GRK5: variants seen among roughly 807,000 people sequenced by gnomAD.
GRK5 encodes g protein-coupled receptor kinase GRK5.
GRK5 carries 40 observed loss-of-function variants against 78.4 expected under a neutral mutation model. The observed-to-expected ratio is 0.51, with a 90% CI of 0.40 to 0.66. The LOEUF is 0.66. Ranked by LOEUF, GRK5 falls within the 30% of genes least tolerant of loss-of-function variation. GRK5 has a pLI of 0.00. For missense variants in GRK5, 598 were observed against 759.9 expected (o/e 0.79, Z 2.50); for synonymous variants, 289 against 296.8 (o/e 0.97, Z 0.27).
At chr10:119,365,108 C>A (rs192369118) in intron 2 of GRK5, among the ~76,000 whole-genome samples, 134 of 152,258 alleles carry the variant, frequency 8.8e-4, no homozygotes, top group African/African-American at 3.0e-3. Context: ...ACAGAGCTTA[C>A]AAGGTCTAGA....
At chr10:119,303,952 C>T (rs907083128) in intron 1 of GRK5, among the ~76,000 whole-genome samples, 36 of 152,144 alleles carry the variant, frequency 2.4e-4, no homozygotes, top group African/African-American at 7.7e-4. Flanking sequence ...GACTCAGGGT[C>T]CTTGCCTACC....
chr10:119,427,362 T>TGCTGTTATCAATATCCCAC (rs1852710164), intron 6 of GRK5, among the ~76,000 whole-genome samples: 1 of 29,906 alleles, frequency 3.3e-5, no homozygotes, highest in Non-Finnish European at 6.2e-5. Context: ...ATCAGCATCA[T>TGCTGTTATCAATATCCCAC]CACCATCATC....
chr10:119,373,909 C>T (rs1455118971), intron 2 of GRK5, among the ~76,000 whole-genome samples: 4 of 152,160 alleles, frequency 2.6e-5, no homozygotes, highest in Non-Finnish European at 5.9e-5. Flanking sequence ...TTCACTACAA[C>T]AGCGAGCTGA....
At position 119,333,033 on chromosome 10, in the gene GRK5, G is replaced by C. The variant is rs536582033; in HGVS notation, c.148+6422G>C. 3.3e-5 allele frequency: 5 copies of C among 152,332 alleles called. No homozygotes were observed. In the East Asian group the frequency reaches 9.6e-4, roughly 29 times the overall value. 9.4% of individuals were successfully genotyped at this position (152,332 alleles called of 1,614,324 possible). Reference sequence around the variant, plus strand: ...TCCCACACTGTACTAGATGTTCTATGTTAATTGCAACTGTGTCTTGCCTGT... The same window carrying C: ...TCCCACACTGTACTAGATGTTCTATCTTAATTGCAACTGTGTCTTGCCTGT... On this transcript the variant is annotated intron_variant, in intron 2 of 15. Transcript: ENST00000392870.
rs74157639 is a variant in GRK5 at position 119,243,399 on chromosome 10, T to A, written c.52+35430T>A. Among the ~76,000 whole-genome samples, 1,454 of 152,180 alleles carry A rather than the reference T, an allele frequency of 9.6e-3. 20 individuals are homozygous for A. Among genetic ancestry groups the A allele is most frequent in the African/African-American group, 0.032 (1,343 of 41,518 alleles). On this transcript the variant is annotated intron_variant, in intron 1 of 15. Coordinates refer to ENST00000392870, the MANE Select transcript of GRK5 (RefSeq NM_005308.3). ...TATATAAACTCATAAATGCAAGAAG[T>A]AGAACATTACAAAATCCCAACTATA...
intron 1 of GRK5, among the ~76,000 whole-genome samples, chr10:119,262,328 GGTTT>G (rs1391203638): frequency 9.0e-5 from 10 of 110,524 alleles, no homozygotes; most frequent in African/African-American, 3.3e-4. Context: ...TTTAACTTTG[GGTTT>G]TTTTTTTTTT....
At position 119,452,492 on chromosome 10, in the gene GRK5, G is replaced by A. The variant is rs951886181; in HGVS notation, c.1405-179G>A. ...GAAGCCCAGCCAAGCCACTGGGGCC[G>A]ACCCCTCCCCTGGACTCACCTGCAT... On this transcript the variant is annotated intron_variant, in intron 13 of 15. Coordinates refer to ENST00000392870, the MANE Select transcript of GRK5 (RefSeq NM_005308.3). This position sits in a 1 kb window ranked among gnomAD's most constrained non-coding sequence, Gnocchi z 4.4. The A allele has an allele frequency of 1.9e-4, 121 of 636,716 alleles. No homozygotes were observed. The highest frequency in any genetic ancestry group is 2.7e-4 in the Non-Finnish European group (102 of 381,578). The allele number at this position is 636,716 out of a possible 1,614,324, so 39.4% of individuals were successfully genotyped here.
At chr10:119,222,879 G>A (rs1406029578) in intron 1 of GRK5, among the ~76,000 whole-genome samples, 7 of 152,192 alleles carry the variant, frequency 4.6e-5, no homozygotes, top group Non-Finnish European at 8.8e-5. Context: ...AAAGGGGCCC[G>A]CATGGGTGGC....
chr10:119,329,127 A>G (rs1044737863), intron 2 of GRK5, among the ~76,000 whole-genome samples: 13 of 152,260 alleles, frequency 8.5e-5, no homozygotes, highest in African/African-American at 3.1e-4. Flanking sequence ...TTTCTAATAA[A>G]TAGAAGAAGA....
Position 119,443,659 on chromosome 10 carries a change from G to A in GRK5, c.1173G>A (p.Lys391=). ...GQSPFRGRKE[K]VKREEVDRRV... is the part of the protein sequence containing the mutation. Reference sequence around the variant, plus strand: ...CGCCGTTCCGCGGCCGCAAGGAGAAGGTGAAGCGGGAGGAGGTGGACCGCC... The same window carrying A: ...CGCCGTTCCGCGGCCGCAAGGAGAAAGTGAAGCGGGAGGAGGTGGACCGCC... The change falls in exon 12 of 16, where the codon AAG becomes AAA. Residue 391 remains lysine, a synonymous_variant. Transcript: ENST00000392870. 1 of 1,613,634 alleles carries A rather than the reference G, an allele frequency of 6.2e-7. No homozygotes were observed. Among genetic ancestry groups the A allele is most frequent in the Non-Finnish European group, 8.5e-7 (1 of 1,179,910 alleles).
intron 6 of GRK5, among the ~76,000 whole-genome samples, chr10:119,427,282 C>T (rs1852705972): frequency 6.9e-4 from 3 of 4,352 alleles, no homozygotes; most frequent in South Asian, 7.6e-3. Context: ...CCACCATCTT[C>T]AGCATCATCG....
At chr10:119,392,820 A>G (rs1209192985) in intron 3 of GRK5, among the ~76,000 whole-genome samples, 2 of 152,078 alleles carry the variant, frequency 1.3e-5, no homozygotes, top group African/African-American at 4.8e-5. Context: ...TCACGAGGGC[A>G]CTCTTTGCAT....
intron 1 of GRK5, among the ~76,000 whole-genome samples, chr10:119,249,076 C>G (rs528577950): frequency 6.1e-4 from 93 of 152,130 alleles, no homozygotes; most frequent in Non-Finnish European, 1.2e-3. Context: ...CAAGACCAGC[C>G]TGGTCAACAT....
chr10:119,359,140 G>T (rs1319076959), intron 2 of GRK5, among the ~76,000 whole-genome samples: 1 of 152,196 alleles, frequency 6.6e-6, no homozygotes, highest in African/African-American at 2.4e-5. Context: ...CACCAGGGGG[G>T]TTGCTGGTGC....
intron 2 of GRK5, among the ~76,000 whole-genome samples, chr10:119,327,955 G>A (rs1283146542): frequency 6.6e-6 from 1 of 152,186 alleles, no homozygotes; most frequent in Non-Finnish European, 1.5e-5. Context: ...GCAGACATGG[G>A]TTCAGATCCT....
At chr10:119,331,373 G>A (rs900454121) in intron 2 of GRK5, among the ~76,000 whole-genome samples, 1 of 152,270 alleles carries the variant, frequency 6.6e-6, no homozygotes, top group Non-Finnish European at 1.5e-5. Flanking sequence ...ACGGGGCCAG[G>A]GTCTGGGCCT....
chr10:119,245,570 G>A (rs1418475806), intron 1 of GRK5, among the ~76,000 whole-genome samples: 4 of 152,144 alleles, frequency 2.6e-5, no homozygotes, highest in African/African-American at 7.2e-5. Context: ...GAAATTTATA[G>A]TAGTCAAACT....
chr10:119,331,916 G>A (rs968836720), intron 2 of GRK5, among the ~76,000 whole-genome samples: 2 of 152,176 alleles, frequency 1.3e-5, no homozygotes, highest in African/African-American at 4.8e-5. Flanking sequence ...GCCCTAAGGT[G>A]AAGCCTGTAG....
intron 6 of GRK5, among the ~76,000 whole-genome samples, chr10:119,427,221 C>A (rs1332677586): frequency 7.7e-6 from 1 of 130,140 alleles, no homozygotes; most frequent in African/African-American, 2.9e-5. Flanking sequence ...GCATCACTGC[C>A]TTCATCAACA....
Sources: allele counts gnomAD v4.1 joint callset (sites outside exome capture counted in the v4.1 genomes callset), GRCh38; gene constraint gnomAD v4.1.1; non-coding constraint Gnocchi (gnomAD v3.1); transcripts MANE v1.5; gene names NCBI Gene and HGNC (gene_info 2026-07-23, HGNC 2026-07-21).